Variants in PPP2R1B observed in about 807,000 individuals in gnomAD.
The protein encoded by PPP2R1B is serine/threonine-protein phosphatase 2A 65 kDa regulatory subunit A beta isoform.
A neutral mutation model predicts 72.7 loss-of-function variants in PPP2R1B; 58 were observed. The ratio of observed to expected loss-of-function variants is 0.80; its 90% CI spans 0.65 to 0.99. The LOEUF (loss-of-function observed/expected upper bound fraction) is 0.99. Among genes scored for constraint, PPP2R1B ranks in the 50% least tolerant of loss-of-function variants. The pLI, the probability that PPP2R1B is intolerant of heterozygous loss-of-function variation, is 0.00. For missense variants in PPP2R1B, 695 were observed against 733.6 expected, an observed-to-expected ratio of 0.95 and a Z score of 0.61; for synonymous variants, 256 against 264.6, an observed-to-expected ratio of 0.97 and a Z score of 0.32.
At chr11:111,727,081 C>T (rs1943994840) in intron 15 of PPP2R1B, 1 of 1,603,062 alleles carries the variant, frequency 6.2e-7, no homozygotes, top group African/African-American at 1.3e-5. Flanking sequence ...AGCATGTTAG[C>T]CCGACAGGAA....
the PPP2R1B span, among the ~76,000 whole-genome samples, chr11:111,703,739 T>G: frequency 1.6e-3 from 247 of 152,302 alleles, no homozygotes; most frequent in African/African-American, 5.7e-3. Flanking sequence ...ACATAGGTAT[T>G]TAACTAGTTT....
chr11:111,744,088 A>G (rs1185199588), intron 11 of PPP2R1B, among the ~76,000 whole-genome samples: 1 of 152,192 alleles, frequency 6.6e-6, no homozygotes, highest in Non-Finnish European at 1.5e-5. Flanking sequence ...CCAGGACACA[A>G]ACAGAAAAAA....
chr11:111,716,237 C>T, the PPP2R1B span, among the ~76,000 whole-genome samples: 33 of 152,332 alleles, frequency 2.2e-4, no homozygotes, highest in African/African-American at 7.2e-4. Flanking sequence ...TGTCTACTTA[C>T]ATTTTTAATA....
chr11:111,702,706 C>G, the PPP2R1B span, among the ~76,000 whole-genome samples: 1 of 152,142 alleles, frequency 6.6e-6, no homozygotes, highest in Admixed American at 6.5e-5. Context: ...CTCAAAGTTG[C>G]AGCAGTGCGG....
At chr11:111,707,444 T>C in the PPP2R1B span, among the ~76,000 whole-genome samples, 1 of 152,316 alleles carries the variant, frequency 6.6e-6, no homozygotes, top group East Asian at 1.9e-4. Context: ...TACCAAGCAC[T>C]CTGTGTCCTT....
chr11:111,718,990 A>G, the PPP2R1B span: 1 of 152,282 alleles, frequency 6.6e-6, no homozygotes, highest in South Asian at 2.1e-4. Flanking sequence ...GGAAGGGCCA[A>G]TGCTTGCGGG....
chr11:111,726,727 A>G, downstream of PPP2R1B: 1 of 530,156 alleles, frequency 1.9e-6, no homozygotes, highest in Non-Finnish European at 3.4e-6. Flanking sequence ...CAAAACACTA[A>G]GAAGGCTTAG....
intron 5 of PPP2R1B, among the ~76,000 whole-genome samples, chr11:111,759,558 G>C (rs1463664271): frequency 6.6e-6 from 1 of 152,084 alleles, no homozygotes; most frequent in Non-Finnish European, 1.5e-5. Flanking sequence ...TTCTAATTAT[G>C]GCTCCCATTT....
downstream of PPP2R1B, chr11:111,737,545 A>G: frequency 6.2e-7 from 1 of 1,614,198 alleles, no homozygotes; most frequent in South Asian, 1.1e-5. Context: ...AGGAAATTCT[A>G]GCTTCCTCAG....
In PPP2R1B at chr11:111,738,167, C is replaced by G. The variant is rs1944395607; in HGVS notation, c.*3429G>C. The G allele has an allele frequency of 1.0e-6, 1 of 986,084 alleles. No homozygotes were observed. The highest frequency in any genetic ancestry group is 6.1e-5 in the Admixed American group (1 of 16,408). 61.1% of individuals were successfully genotyped at this position (986,084 alleles called of 1,614,324 possible). On this transcript the variant is annotated 3_prime_UTR_variant, in exon 15 of 15. Coordinates refer to ENST00000527614, the MANE Select transcript of PPP2R1B (RefSeq NM_002716.5). ...TCAAAGGGAAACAGTTACATCACAT[C>G]AGACTGCAGTCACCTCAGCTGCTAA...
At chr11:111,734,262 T>G (rs1394237669), downstream of PPP2R1B, among the ~76,000 whole-genome samples, 4 of 152,206 alleles carry the variant, frequency 2.6e-5, no homozygotes, top group South Asian at 6.2e-4. Context: ...CTTCACTGAC[T>G]TAAGGGTGGT....
the PPP2R1B span, chr11:111,720,538 T>C: frequency 6.2e-7 from 1 of 1,614,050 alleles, no homozygotes; most frequent in Non-Finnish European, 8.5e-7. Flanking sequence ...GAGTATGATA[T>C]GGGGTCTGTT....
chr11:111,701,651 T>G, the PPP2R1B span: 3 of 1,529,988 alleles, frequency 2.0e-6, no homozygotes, highest in Non-Finnish European at 2.6e-6. The surrounding 1 kb of genome is among the most constrained non-coding windows in gnomAD (Gnocchi z 4.2). Flanking sequence ...TAAAAGCTTC[T>G]TTTTTTCTAA....
At chr11:111,742,315 TTCA>T in intron 13 of PPP2R1B, 171 bp from the exon 14 acceptor site, 3 of 610,292 alleles carry the variant, frequency 4.9e-6, no homozygotes, top group South Asian at 8.9e-5. Flanking sequence ...CAAAATCAGC[TTCA>T]GACAAGGATC....
At chr11:111,688,250 C>A in the PPP2R1B span, 1 of 1,337,138 alleles carries the variant, frequency 7.5e-7, no homozygotes, top group Non-Finnish European at 1.1e-6. The surrounding 1 kb of genome is among the most constrained non-coding windows in gnomAD (Gnocchi z 4.2). Context: ...GCAGATTCAG[C>A]AGCATTTCTA....
At chr11:111,707,320 T>C in the PPP2R1B span, among the ~76,000 whole-genome samples, 1 of 152,228 alleles carries the variant, frequency 6.6e-6, no homozygotes, top group Non-Finnish European at 1.5e-5. Flanking sequence ...GTACACGATA[T>C]CCTTTCATGT....
At chr11:111,755,982 G>A (rs1388284315) in intron 5 of PPP2R1B, among the ~76,000 whole-genome samples, 1 of 152,014 alleles carries the variant, frequency 6.6e-6, no homozygotes, top group Non-Finnish European at 1.5e-5. Flanking sequence ...GCTGAGGCAG[G>A]CGGATCACGA....
At chr11:111,758,867 T>C (rs1398404935) in intron 5 of PPP2R1B, among the ~76,000 whole-genome samples, 5 of 152,218 alleles carry the variant, frequency 3.3e-5, no homozygotes, top group Non-Finnish European at 1.5e-5. Flanking sequence ...AAAATTCTAA[T>C]AATTTTTAAA....
Position 111,742,119 on chromosome 11 carries a change from C to T in PPP2R1B, c.1723G>A (p.Val575Ile), listed in dbSNP as rs771789484. Reference protein sequence around the residue: ...TNALQGEVKPVLQKLGQDEDM... With the variant: ...TNALQGEVKPILQKLGQDEDM... ...TCATCTTGACCTAACTTCTGTAGTA[C>T]TGGCTTCACTTCTCCCTGTAAAGCA... Residue 575 changes from valine (V) to isoleucine (I), a missense_variant, in exon 14 of 15, where the codon GTA (valine) becomes ATA (isoleucine). Val to Ile is a conservative substitution (Grantham distance 29). Transcript: ENST00000527614. 1.2e-5 allele frequency: 20 copies of T among 1,613,652 alleles called. No homozygotes were observed. Among genetic ancestry groups the T allele is most frequent in the Non-Finnish European group, 1.6e-5 (19 of 1,179,650 alleles).
Sources: gnomAD v4.1 joint callset for allele counts (sites outside exome capture counted in the v4.1 genomes callset) on GRCh38, gnomAD v4.1.1 for gene constraint, Gnocchi (gnomAD v3.1) non-coding constraint, MANE v1.5 for transcripts, NCBI Gene and HGNC (gene_info 2026-07-23, HGNC 2026-07-21) for gene names.